The following MAGI1 variants were observed in gnomAD, a reference collection of about 807,000 sequenced individuals.
MAGI1 encodes the protein membrane-associated guanylate kinase, WW and PDZ domain-containing protein 1.
MAGI1 carries 58 observed loss-of-function variants against 139.9 expected under a neutral mutation model. The observed-to-expected ratio is 0.41, with a 90% confidence interval of 0.34 to 0.52. The LOEUF (loss-of-function observed/expected upper bound fraction) is 0.52, where lower values mean the gene tolerates loss of function less well. Among genes scored for constraint, MAGI1 ranks in the 20% least tolerant of loss-of-function variants. The probability of loss-of-function intolerance (pLI) is 0.12; values close to 1 mark genes in which losing one functional copy is unlikely to be tolerated. For missense variants in MAGI1, 1,874 were observed against 1,901.6 expected (o/e 0.99, Z 0.27); for synonymous variants, 812 against 737.9 (o/e 1.10, Z -1.63).
chr3:65,518,850 C>G (rs1466264334), intron 2 of MAGI1, among the ~76,000 whole-genome samples: 1 of 151,882 alleles, frequency 6.6e-6, no homozygotes, highest in South Asian at 2.1e-4. Context: ...ATTAAATAAA[C>G]TAGTAAATAT....
At chr3:65,772,703 C>A (rs943815094) in intron 1 of MAGI1, among the ~76,000 whole-genome samples, 1 of 152,202 alleles carries the variant, frequency 6.6e-6, no homozygotes, top group African/African-American at 2.4e-5. Context: ...AGGAAGCTAA[C>A]AAACTTCAGG....
chr3:65,412,825 G>C (rs1172985368), intron 12 of MAGI1, among the ~76,000 whole-genome samples: 1 of 152,128 alleles, frequency 6.6e-6, no homozygotes, highest in African/African-American at 2.4e-5. Context: ...GTTCCGCTGT[G>C]CCACCTGGTG....
intron 2 of MAGI1, among the ~76,000 whole-genome samples, chr3:65,581,104 C>T (rs924459838): frequency 2.0e-5 from 3 of 152,142 alleles, no homozygotes; most frequent in African/African-American, 4.8e-5. Flanking sequence ...TCACCACTCA[C>T]CTTGATAGCT....
Position 66,016,596 on chromosome 3 carries a change from G to A in MAGI1, c.313+21400C>T, listed in dbSNP as rs572907446. 6.6e-5 allele frequency among the ~76,000 whole-genome samples: 10 copies of A among 152,290 alleles called. No homozygotes were observed. In the East Asian group the frequency reaches 1.9e-3, roughly 29 times the overall value. ...CGGAGCTGGAGACTTTGGGTAAGTG[G>A]TGCTCCGGAGAGACCCAGGGAAAGT... On this transcript the variant is annotated intron_variant, in intron 1 of 22. Coordinates refer to ENST00000402939, the MANE Select transcript of MAGI1 (RefSeq NM_001033057.2).
chr3:65,546,455 C>T (rs1353815740), intron 2 of MAGI1, among the ~76,000 whole-genome samples: 1 of 152,148 alleles, frequency 6.6e-6, no homozygotes, highest in East Asian at 1.9e-4. Flanking sequence ...GGGCTTGCAG[C>T]ACCCTCTTCT....
chr3:65,777,222 T>G (rs914162422), intron 1 of MAGI1, among the ~76,000 whole-genome samples: 2 of 152,224 alleles, frequency 1.3e-5, no homozygotes, highest in African/African-American at 4.8e-5. Context: ...TCACTAGCTG[T>G]GTGACCTCAG....
At chr3:65,976,533 C>T (rs954389108) in intron 1 of MAGI1, among the ~76,000 whole-genome samples, 2 of 152,030 alleles carry the variant, frequency 1.3e-5, no homozygotes, top group Admixed American at 1.3e-4. Flanking sequence ...CAGGAGGCTG[C>T]AACACGAGAA....
At chr3:65,890,160 C>G (rs1045842645) in intron 1 of MAGI1, among the ~76,000 whole-genome samples, 4 of 152,124 alleles carry the variant, frequency 2.6e-5, no homozygotes, top group Middle Eastern at 3.4e-3. Flanking sequence ...GTCAGGAGAT[C>G]GAGACCATCC....
Position 65,470,453 on chromosome 3 carries a change from G to T in MAGI1, c.789C>A (p.Leu263=). 1.2e-6 allele frequency: 2 copies of T among 1,613,330 alleles called. No homozygotes were observed. The highest frequency in any genetic ancestry group is 1.7e-6 in the Non-Finnish European group (2 of 1,179,788). Residue 263 remains leucine, a synonymous_variant, in exon 5 of 23, where the codon CTC becomes CTA. Coordinates refer to ENST00000402939, the MANE Select transcript of MAGI1 (RefSeq NM_001033057.2). ...ADSGEQEEHT[L]QETALPPVNS... ...TCACAGGTGGTAATGCTGTTTCTTG[G>T]AGAGTGTGCTCCTCTTGTTCACCAG...
At chr3:65,598,284 G>A (rs1394118121) in intron 2 of MAGI1, among the ~76,000 whole-genome samples, 2 of 152,168 alleles carry the variant, frequency 1.3e-5, no homozygotes, top group Non-Finnish European at 2.9e-5. Flanking sequence ...CCCATCACCC[G>A]CATGGCCCTG....
At chr3:65,694,612 T>C (rs2088979987) in intron 1 of MAGI1, among the ~76,000 whole-genome samples, 1 of 152,200 alleles carries the variant, frequency 6.6e-6, no homozygotes, top group South Asian at 2.1e-4. Context: ...CAAAAGTTGA[T>C]TCTGGCTAAG....
At chr3:65,983,954 T>C (rs1255840821) in intron 1 of MAGI1, among the ~76,000 whole-genome samples, 2 of 152,190 alleles carry the variant, frequency 1.3e-5, no homozygotes, top group African/African-American at 4.8e-5. Flanking sequence ...GAAGTACTCA[T>C]GTTGTCATAT....
chr3:65,550,900 G>A (rs963532632), intron 2 of MAGI1, among the ~76,000 whole-genome samples: 1 of 152,176 alleles, frequency 6.6e-6, no homozygotes, highest in Non-Finnish European at 1.5e-5. Context: ...GGGCCTAGGA[G>A]TCTGAGGCTG....
chr3:65,369,447 G>C lies in MAGI1; in HGVS notation c.3197-4501C>G, dbSNP rs144312270. Among the ~76,000 whole-genome samples the C allele has an allele frequency of 4.7e-3, 721 of 152,160 alleles. 9 individuals are homozygous for C. Among genetic ancestry groups the C allele is most frequent in the African/African-American group, 0.016 (684 of 41,506 alleles). ...AGAGTAGACTCACGCACTGCACAAA[G>C]GGCAGAGCATCTTTTCAAAGGGCCT... On this transcript the variant is annotated intron_variant, in intron 18 of 22. Coordinates refer to ENST00000402939, the MANE Select transcript of MAGI1 (RefSeq NM_001033057.2).
intron 1 of MAGI1, among the ~76,000 whole-genome samples, chr3:66,014,838 T>G (rs2067535463): frequency 6.6e-6 from 1 of 152,162 alleles, no homozygotes; most frequent in Non-Finnish European, 1.5e-5. Flanking sequence ...CACTTGGAAT[T>G]TTCCTGCCTC....
At chr3:65,657,808 T>C (rs541649148) in intron 1 of MAGI1, among the ~76,000 whole-genome samples, 70 of 152,292 alleles carry the variant, frequency 4.6e-4, no homozygotes, top group African/African-American at 1.5e-3. Context: ...AGTGAAGTGA[T>C]AGCATGAAAA....
At chr3:65,772,849 A>C (rs1014341968) in intron 1 of MAGI1, among the ~76,000 whole-genome samples, 1 of 152,212 alleles carries the variant, frequency 6.6e-6, no homozygotes, top group African/African-American at 2.4e-5. Context: ...AATGACAGAA[A>C]AGATGCACAG....
chr3:66,000,013 C>T (rs1394998153), intron 1 of MAGI1, among the ~76,000 whole-genome samples: 11 of 141,756 alleles, frequency 7.8e-5, no homozygotes. Flanking sequence ...CGCTCTGTCC[C>T]CCAGGCTGGA....
At chr3:65,672,447 A>G (rs1455430644) in intron 1 of MAGI1, among the ~76,000 whole-genome samples, 2 of 152,242 alleles carry the variant, frequency 1.3e-5, no homozygotes, top group African/African-American at 2.4e-5. Flanking sequence ...ATTTATAGAT[A>G]TATCAGATTA....
Sources: allele counts gnomAD v4.1 joint callset (sites outside exome capture counted in the v4.1 genomes callset), GRCh38; gene constraint gnomAD v4.1.1; transcripts MANE v1.5; gene names NCBI Gene and HGNC (gene_info 2026-07-23, HGNC 2026-07-21).